FHOD3: variants seen among roughly 807,000 people sequenced by gnomAD.
FHOD3 encodes the protein formin homology 2 domain containing 3.
FHOD3 carries 90 observed loss-of-function variants against 173.0 expected under a neutral mutation model. The ratio of observed to expected loss-of-function variants is 0.52; its 90% CI spans 0.44 to 0.62. FHOD3 has a LOEUF of 0.62. Ranked by LOEUF, FHOD3 falls within the 20% of genes least tolerant of loss-of-function variation. The pLI, the probability that FHOD3 is intolerant of heterozygous loss-of-function variation, is 0.00. For synonymous variants in FHOD3, 828 were observed against 823.0 expected, an observed-to-expected ratio of 1.01 and a Z score of -0.10; for missense variants, 1,945 against 2,034.7, an observed-to-expected ratio of 0.96 and a Z score of 0.85.
At position 36,779,969 on chromosome 18, in the gene FHOD3, G is replaced by T; in HGVS notation, c.*439G>T. 1 of 462,642 alleles carries T rather than the reference G, an allele frequency of 2.2e-6. No individual in the cohort carries two copies. Among genetic ancestry groups the T allele is most frequent in the Non-Finnish European group, 3.5e-6 (1 of 282,238 alleles). 28.7% of individuals were successfully genotyped at this position (462,642 alleles called of 1,614,324 possible). ...AAAAGAAAGCACAGATTGTTTACCT[G>T]TTGTGGATTTTAGATGTAACAAATG... On this transcript the variant is annotated 3_prime_UTR_variant, in exon 29 of 29. Transcript: ENST00000590592.
At chr18:36,618,729 C>T (rs1210717088) in intron 9 of FHOD3, among the ~76,000 whole-genome samples, 3 of 152,168 alleles carry the variant, frequency 2.0e-5, no homozygotes, top group Admixed American at 1.3e-4. Context: ...CTCCTCCCCA[C>T]CCCATCCCTG....
chr18:36,529,714 C>T (rs1456385893), intron 5 of FHOD3, among the ~76,000 whole-genome samples: 1 of 152,082 alleles, frequency 6.6e-6, no homozygotes, highest in Non-Finnish European at 1.5e-5. Flanking sequence ...GCAAGAGAAT[C>T]GCTTGAACCC....
At chr18:36,762,819 T>C (rs1263318872) in intron 27 of FHOD3, among the ~76,000 whole-genome samples, 1 of 147,972 alleles carries the variant, frequency 6.8e-6, no homozygotes, top group Non-Finnish European at 1.5e-5. Context: ...ATATGTATTA[T>C]ATATTTTATA....
intron 9 of FHOD3, among the ~76,000 whole-genome samples, chr18:36,613,029 A>G (rs11873075): frequency 0.14 from 21,850 of 152,286 alleles, 1,669 homozygotes; most frequent in Non-Finnish European, 0.17. Context: ...GTAACAGGGT[A>G]AGAAAGGATA....
intron 3 of FHOD3, among the ~76,000 whole-genome samples, chr18:36,419,771 G>T (rs1017956063): frequency 6.6e-6 from 1 of 152,146 alleles, no homozygotes; most frequent in African/African-American, 2.4e-5. Flanking sequence ...GTCTCATGTG[G>T]CCACATGTGG....
chr18:36,494,673 C>A lies in FHOD3; in HGVS notation c.338-7259C>A, dbSNP rs7228378. On this transcript the variant is annotated intron_variant, in intron 3 of 28. Coordinates refer to ENST00000590592, the MANE Select transcript of FHOD3 (RefSeq NM_001281740.3). The stretch of plus-strand genomic sequence containing the variant: ...AGCAATCAGCAGTACTTCTCCAGGA[C>A]CTTCTGCAGCCTTAGCTCTCATTGG... Among the ~76,000 whole-genome samples, 1,395 of 152,312 alleles carry A rather than the reference C, an allele frequency of 9.2e-3. 13 individuals are homozygous for A. Among genetic ancestry groups the A allele is most frequent in the African/African-American group, 0.032 (1,317 of 41,558 alleles).
intron 5 of FHOD3, among the ~76,000 whole-genome samples, chr18:36,554,969 G>A (rs1331585996): frequency 6.6e-6 from 1 of 152,090 alleles, no homozygotes; most frequent in African/African-American, 2.4e-5. Context: ...AATCTGGCTA[G>A]ATATATATCA....
At chr18:36,446,242 C>A (rs2051463899) in intron 3 of FHOD3, among the ~76,000 whole-genome samples, 1 of 152,176 alleles carries the variant, frequency 6.6e-6, no homozygotes, top group African/African-American at 2.4e-5. Flanking sequence ...GGCAATCTGG[C>A]CTTCCTCAGT....
chr18:36,668,415 T>G (rs1431028153), intron 14 of FHOD3, among the ~76,000 whole-genome samples: 1 of 152,074 alleles, frequency 6.6e-6, no homozygotes, highest in Non-Finnish European at 1.5e-5. Flanking sequence ...CTCTCTTCTT[T>G]CCAATCAGTC....
chr18:36,724,592 A>G (rs1191927576), intron 19 of FHOD3, among the ~76,000 whole-genome samples: 1 of 152,136 alleles, frequency 6.6e-6, no homozygotes, highest in Non-Finnish European at 1.5e-5. Context: ...AGTTGCCTTA[A>G]TGACCGCCCT....
intron 3 of FHOD3, among the ~76,000 whole-genome samples, chr18:36,473,517 A>G (rs1463443861): frequency 1.3e-5 from 2 of 152,244 alleles, no homozygotes; most frequent in African/African-American, 2.4e-5. Flanking sequence ...TTGAAGTTTG[A>G]GAACTGCTAG....
intron 1 of FHOD3, among the ~76,000 whole-genome samples, chr18:36,341,028 C>T (rs1339788615): frequency 4.6e-5 from 7 of 152,236 alleles, no homozygotes; most frequent in South Asian, 2.1e-4. Context: ...TATTCTCTTG[C>T]GCAGCAGCTA....
At chr18:36,338,096 C>T (rs554003844) in intron 1 of FHOD3, among the ~76,000 whole-genome samples, 1 of 152,258 alleles carries the variant, frequency 6.6e-6, no homozygotes, top group South Asian at 2.1e-4. Flanking sequence ...ATGCTGCTGA[C>T]CTTGAAATCC....
chr18:36,647,361 A>T (rs2035762094), intron 10 of FHOD3, among the ~76,000 whole-genome samples: 1 of 152,218 alleles, frequency 6.6e-6, no homozygotes, highest in South Asian at 2.1e-4. Context: ...AGTGTGCCCA[A>T]CTTCATTAGT....
intron 1 of FHOD3, among the ~76,000 whole-genome samples, chr18:36,300,700 T>A (rs2091937540): frequency 6.6e-6 from 1 of 151,948 alleles, no homozygotes; most frequent in Non-Finnish European, 1.5e-5. Flanking sequence ...CTCTCAGCTC[T>A]CCTGCACATT....
chr18:36,482,858 CAGAGAGAGAGAGAGAGAGAG>C (rs138052316), intron 3 of FHOD3, among the ~76,000 whole-genome samples: 1 of 130,374 alleles, frequency 7.7e-6, no homozygotes, highest in African/African-American at 3.1e-5. Flanking sequence ...CACACACACA[CAGAGAGAGAGAGAGAGAGAG>C]AGAGAGAGAG....
intron 5 of FHOD3, among the ~76,000 whole-genome samples, chr18:36,554,057 A>T (rs533322589): frequency 5.9e-5 from 9 of 152,326 alleles, no homozygotes; most frequent in Admixed American, 2.0e-4. Context: ...AACTAGTTCA[A>T]CCATTGTGGA....
intron 5 of FHOD3, among the ~76,000 whole-genome samples, chr18:36,518,192 G>A (rs1410797233): frequency 1.5e-4 from 23 of 152,160 alleles, no homozygotes; most frequent in Admixed American, 1.4e-3. Flanking sequence ...GGAGCAAAGG[G>A]GAAGAATTTC....
In FHOD3 at chr18:36,740,651, T is replaced by G. The variant is rs1271575835; in HGVS notation, c.3577-5T>G. The G allele has an allele frequency of 6.2e-7, 1 of 1,611,488 alleles. No individual in the cohort carries two copies. The highest frequency in any genetic ancestry group is 8.5e-7 in the Non-Finnish European group (1 of 1,178,820). ...AAAATATACTATATCATCTCCTATT[T>G]CCAGAAAATTCTAACGATGATTCCC... On this transcript the variant is annotated splice_region_variant and splice_polypyrimidine_tract_variant and intron_variant, in intron 20 of 28. Transcript: ENST00000590592.
Sources: gnomAD v4.1 joint callset for allele counts (sites outside exome capture counted in the v4.1 genomes callset) on GRCh38, gnomAD v4.1.1 for gene constraint, MANE v1.5 for transcripts, NCBI Gene and HGNC (gene_info 2026-07-23, HGNC 2026-07-21) for gene names.